Variants in AMT observed in about 807,000 individuals in gnomAD.
AMT encodes aminomethyltransferase, mitochondrial.
A neutral mutation model predicts 39.5 loss-of-function variants in AMT; 24 were observed. That is an observed-to-expected ratio of 0.61 (90% confidence interval 0.44 to 0.86). The LOEUF (loss-of-function observed/expected upper bound fraction) is 0.86, where lower values mean the gene tolerates loss of function less well. Ranked by LOEUF, AMT falls within the 40% of genes least tolerant of loss-of-function variation. The pLI is 0.00. For missense variants in AMT, 501 were observed against 537.0 expected (o/e 0.93, Z 0.66); for synonymous variants, 210 against 212.1 (o/e 0.99, Z 0.09).
intron 5 of AMT, 86 bp from the exon 6 acceptor site, chr3:49,419,491 G>C: frequency 6.4e-7 from 1 of 1,567,294 alleles, no homozygotes; most frequent in Non-Finnish European, 8.7e-7. Flanking sequence ...ACCAGAACAA[G>C]CCCTGAGCAT....
At chr3:49,418,139 C>T (rs2049031595) in intron 7 of AMT, 166 bp from the exon 8 acceptor site, 1 of 823,822 alleles carries the variant, frequency 1.2e-6, no homozygotes, top group Admixed American at 2.2e-5. Context: ...CCAACCACCT[C>T]CTATCCCCTG....
chr3:49,418,089 T>C, intron 7 of AMT, 116 bp from the exon 8 acceptor site: 1 of 1,339,028 alleles, frequency 7.5e-7, no homozygotes, highest in African/African-American at 1.4e-5. Flanking sequence ...TTGCTTGGGC[T>C]ACTCCAGGCT....
At position 49,419,062 on chromosome 3, in the gene AMT, G is replaced by A. The variant is rs1360220590; in HGVS notation, c.786C>T (p.Asp262=). ...EVKLAGLAAR[D]SLRLEAGLCL... ...AGAGGCCTGCCTCCAGGCGCAGGCT[G>A]TCCCTGGCTGCCAGCCCTGCCAGCT... Residue 262 remains aspartate, a synonymous_variant, in exon 7 of 9, where the codon GAC becomes GAT. Coordinates refer to ENST00000273588, the MANE Select transcript of AMT (RefSeq NM_000481.4). 2 of 1,613,904 alleles carry A rather than the reference G, an allele frequency of 1.2e-6. No individual in the cohort carries two copies. The highest frequency in any genetic ancestry group is 1.7e-6 in the Non-Finnish European group (2 of 1,179,994).
chr3:49,420,262 C>CA lies in AMT; in HGVS notation c.419dup (p.Tyr141ValfsTer37). 6.2e-7 allele frequency: 1 copy of CA among 1,614,222 alleles called. No homozygotes were observed. The highest frequency in any genetic ancestry group is 1.1e-5 in the South Asian group (1 of 91,088). On this transcript the variant is annotated frameshift_variant, in exon 4 of 9. Coordinates refer to ENST00000273588, the MANE Select transcript of AMT (RefSeq NM_000481.4). LOFTEE classifies it high-confidence loss of function. Reference sequence around the variant, plus strand: ...AGCAGCCAGCGTTGGACACCACATACAGGTGGCCCTCAGAAGTATTGGTTA... The same window carrying CA: ...AGCAGCCAGCGTTGGACACCACATACAAGGTGGCCCTCAGAAGTATTGGTTA...
chr3:49,419,636 A>G, intron 5 of AMT, 74 bp downstream of exon 5: 4 of 1,510,780 alleles, frequency 2.6e-6, no homozygotes, highest in Non-Finnish European at 3.7e-6. Flanking sequence ...TCTTCTTGGT[A>G]TGGCCTCTGT....
At position 49,417,224 on chromosome 3, in the gene AMT, C is replaced by A; in HGVS notation, c.*316G>T. 1 of 1,553,508 alleles carries A rather than the reference C, an allele frequency of 6.4e-7. No individual in the cohort carries two copies. Among genetic ancestry groups the A allele is most frequent in the Non-Finnish European group, 8.8e-7 (1 of 1,140,166 alleles). ...CAAAGGTGAGCCTTTGCTCCACAGC[C>A]AGCACCTGGCAGAGTGGGAGAGATG... is the stretch of plus-strand genomic sequence containing the variant. On this transcript the variant is annotated 3_prime_UTR_variant, in exon 9 of 9. Transcript: ENST00000273588.
rs1259451787 is a variant in AMT, at chr3:49,420,274, A to G, written c.408T>C (p.Ser136=). The change falls in exon 4 of 9, where the codon TCT becomes TCC. Residue 136 remains serine, a synonymous_variant. Transcript: ENST00000273588. ...ILDDLIVTNT[S]EGHLYVVSNA... ...TGGACACCACATACAGGTGGCCCTC[A>G]GAAGTATTGGTTACAATCAAGTCAT... 1.2e-6 allele frequency: 2 copies of G among 1,614,236 alleles called. No individual in the cohort carries two copies. The highest frequency in any genetic ancestry group is 1.7e-6 in the Non-Finnish European group (2 of 1,180,040).
Position 49,418,974 on chromosome 3 carries a change from G to C in AMT, c.874C>G (p.Leu292Val). 6.2e-7 allele frequency: 1 copy of C among 1,613,858 alleles called. No individual in the cohort carries two copies. ...CTTTAGTGCTGGCCCAGCTCACCCA[G>C]TGTCCAACTGAGGCTGCCCTCCACA... Reference protein sequence around the residue: ...TPVEGSLSWTLGKRRRAAMDF... With the variant: ...TPVEGSLSWTVGKRRRAAMDF... Residue 292 changes from leucine (L) to valine (V), a missense_variant, in exon 7 of 9, where the codon CTG (leucine) becomes GTG (valine). Physicochemically the swap from Leu to Val is conservative, Grantham distance 32. Coordinates refer to ENST00000273588, the MANE Select transcript of AMT (RefSeq NM_000481.4).
intron 3 of AMT, 54 bp downstream of exon 3, chr3:49,421,438 C>T: frequency 6.9e-7 from 1 of 1,459,714 alleles, no homozygotes; most frequent in Non-Finnish European, 9.6e-7. Flanking sequence ...GGACTCAGCC[C>T]ATTTGCTGGC....
At chr3:49,420,660 A>C (rs765911606) in intron 3 of AMT, 1 of 381,532 alleles carries the variant, frequency 2.6e-6, no homozygotes, top group East Asian at 6.2e-5. Flanking sequence ...ACCTACCCAA[A>C]CCTGGGACGA....
chr3:49,418,697 G>A, intron 7 of AMT: 1 of 413,296 alleles, frequency 2.4e-6, no homozygotes, highest in Non-Finnish European at 4.5e-6. Context: ...AGTAGAGACG[G>A]GGTTTCACCA....
At chr3:49,419,886 G>A in intron 4 of AMT, 98 bp from the exon 5 acceptor site, 1 of 1,161,664 alleles carries the variant, frequency 8.6e-7, no homozygotes, top group Non-Finnish European at 1.3e-6. Context: ...CAGTGGAGAG[G>A]AGGAGGAGGA....
At chr3:49,418,251 C>G in intron 7 of AMT, 1 of 470,948 alleles carries the variant, frequency 2.1e-6, no homozygotes, top group Non-Finnish European at 3.9e-6. Flanking sequence ...GGCACGATCT[C>G]AGCTCACTGC....
chr3:49,417,973 C>G lies in AMT; in HGVS notation c.878G>C (p.Gly293Ala). ...GTCCATAGCAGCTCGGCGGCGCTTCCCTGGAGAATGACACATGAGACATAA... is the reference window on the plus strand; with the variant it reads ...GTCCATAGCAGCTCGGCGGCGCTTCGCTGGAGAATGACACATGAGACATAA... ...PVEGSLSWTLGKRRRAAMDFP... is the reference protein window; with the variant it reads ...PVEGSLSWTLAKRRRAAMDFP... Residue 293 changes from glycine (G) to alanine (A), a missense_variant and splice_region_variant, in exon 8 of 9, where the codon GGG (glycine) becomes GCG (alanine). By Grantham distance (60) the Gly-to-Ala change is moderately conservative. Transcript: ENST00000273588. The G allele has an allele frequency of 6.2e-7, 1 of 1,607,746 alleles. No individual in the cohort carries two copies. Among genetic ancestry groups the G allele is most frequent in the Non-Finnish European group, 8.5e-7 (1 of 1,177,462 alleles).
In AMT at chr3:49,421,811, C is replaced by A. The variant is rs890418430; in HGVS notation, c.259-239G>T. On this transcript the variant is annotated intron_variant, in intron 2 of 8. Coordinates refer to ENST00000273588, the MANE Select transcript of AMT (RefSeq NM_000481.4). ...AGGACCTAGCACCTTCCTGAAATAACCCCTTTTCAAACCAACATCCAGCCC... is the reference window on the plus strand; with the variant it reads ...AGGACCTAGCACCTTCCTGAAATAAACCCTTTTCAAACCAACATCCAGCCC... 3 of 670,324 alleles carry A rather than the reference C, an allele frequency of 4.5e-6. No homozygotes were observed. In the African/African-American group the frequency reaches 5.3e-5, roughly 12 times the overall value. The allele number at this position is 670,324 out of a possible 1,614,324, so 41.5% of individuals were successfully genotyped here. A position where few individuals can be genotyped will look rare whatever the true frequency, so the allele number is the denominator to read the frequency against.
intron 7 of AMT, 49 bp from the exon 8 acceptor site, chr3:49,418,022 C>T (rs377319486): frequency 7.0e-6 from 11 of 1,565,240 alleles, no homozygotes; most frequent in Non-Finnish European, 8.6e-6. Context: ...GAAGCCCTGG[C>T]CACAGGAGGT....
chr3:49,420,348 A>C lies in AMT; in HGVS notation c.340-6T>G, dbSNP rs2049078873. ...GTAAACAGCGACAGTGTCCCCTAGG[A>C]CCAAAGTGGAGCGTTTTGGCTTCCA... is the stretch of plus-strand genomic sequence containing the variant. On this transcript the variant is annotated splice_polypyrimidine_tract_variant and splice_region_variant and intron_variant, in intron 3 of 8. Coordinates refer to ENST00000273588, the MANE Select transcript of AMT (RefSeq NM_000481.4). 6.2e-7 allele frequency: 1 copy of C among 1,613,928 alleles called. No homozygotes were observed. Among genetic ancestry groups the C allele is most frequent in the Non-Finnish European group, 8.5e-7 (1 of 1,180,000 alleles).
Position 49,417,901 on chromosome 3 carries a change from T to G in AMT, c.950A>C (p.Gln317Pro), listed in dbSNP as rs146114174. Residue 317 changes from glutamine to proline, a missense_variant, in exon 8 of 9, where the codon CAG becomes CCG. Transcript: ENST00000273588. ...ACACATCAACCCCACACGCCTCCGCTGCACCCTGCCCTTCAGCTGGGGAAC... is the reference window on the plus strand; with the variant it reads ...ACACATCAACCCCACACGCCTCCGCGGCACCCTGCCCTTCAGCTGGGGAAC... ...VIVPQLKGRV[Q>P]RRRVGLMCEG... is the part of the protein sequence containing the mutation. 6.2e-7 allele frequency: 1 copy of G among 1,613,912 alleles called. No individual in the cohort carries two copies. The highest frequency in any genetic ancestry group is 1.3e-5 in the African/African-American group (1 of 74,900).
chr3:49,419,568 G>A, intron 5 of AMT, 142 bp downstream of exon 5: 1 of 1,435,276 alleles, frequency 7.0e-7, no homozygotes, highest in Non-Finnish European at 9.8e-7. Context: ...GTAGGTAGGA[G>A]GAGGGCAAGA....
Sources: gnomAD v4.1 joint callset for allele counts on GRCh38, gnomAD v4.1.1 for gene constraint, MANE v1.5 for transcripts, NCBI Gene and HGNC (gene_info 2026-07-23, HGNC 2026-07-21) for gene names.